The following MAST3 variants were observed in gnomAD, a reference collection of about 807,000 sequenced individuals.
MAST3 encodes the protein microtubule associated serine/threonine kinase 3, also known as microtubule-associated serine/threonine-protein kinase 3.
In MAST3, 43 loss-of-function variants were observed where a neutral mutation model predicts 127.0. The ratio of observed to expected loss-of-function variants is 0.34; its 90% CI spans 0.27 to 0.44. The LOEUF (loss-of-function observed/expected upper bound fraction) is 0.44, where lower values mean the gene tolerates loss of function less well. MAST3 is among the 20% of genes least tolerant of loss of function. The pLI is 1.00. For missense variants in MAST3, 1,390 were observed against 1,919.1 expected (o/e 0.72, Z 5.15); for synonymous variants, 785 against 809.2 (o/e 0.97, Z 0.51).
chr19:18,098,434 G>T (rs1441441375), intron 1 of MAST3, among the ~76,000 whole-genome samples: 1 of 152,112 alleles, frequency 6.6e-6, no homozygotes, highest in East Asian at 1.9e-4. Context: ...GTGTGACCTG[G>T]GGGGAGGGCA....
At chr19:18,119,706 C>T (rs1201290666) in intron 3 of MAST3, among the ~76,000 whole-genome samples, 1 of 152,212 alleles carries the variant, frequency 6.6e-6, no homozygotes, top group Non-Finnish European at 1.5e-5. Context: ...AGGTTTCATC[C>T]TTCAAGGTAG....
intron 11 of MAST3, among the ~76,000 whole-genome samples, chr19:18,127,498 A>G (rs1318135150): frequency 6.6e-6 from 1 of 152,096 alleles, no homozygotes; most frequent in Non-Finnish European, 1.5e-5. Context: ...AGCCTGGCCA[A>G]TGTGGTGAAA....
At chr19:18,100,288 G>A (rs544584527) in intron 1 of MAST3, among the ~76,000 whole-genome samples, 4 of 151,916 alleles carry the variant, frequency 2.6e-5, no homozygotes, top group Non-Finnish European at 4.4e-5. Context: ...ACCACGCCCG[G>A]CTAATTTTTG....
intron 15 of MAST3, 29 bp downstream of exon 15, chr19:18,132,076 C>T (rs758207292): frequency 1.2e-6 from 2 of 1,611,926 alleles, no homozygotes; most frequent in East Asian, 4.5e-5. Context: ...AGCGGGGCCT[C>T]GCGGAGGGCG....
Position 18,124,042 on chromosome 19 carries a change from A to G in MAST3, c.737A>G (p.Gln246Arg). The part of the protein sequence containing the change: ...ADGVLGFIHH[Q>R]IVELARDCLA... Reference sequence around the variant, plus strand: ...GGCGTCTTGGGCTTCATCCACCACCAGATCGTCGAGCTGGCCCGAGACTGC... The same window carrying G: ...GGCGTCTTGGGCTTCATCCACCACCGGATCGTCGAGCTGGCCCGAGACTGC... The change falls in exon 9 of 28, where the codon CAG becomes CGG. Residue 246 changes from glutamine to arginine, a missense_variant. Transcript: ENST00000687212. The G allele has an allele frequency of 6.2e-7, 1 of 1,605,960 alleles. No homozygotes were observed. Among genetic ancestry groups the G allele is most frequent in the Non-Finnish European group, 8.5e-7 (1 of 1,176,676 alleles).
At chr19:18,131,365 C>T (rs1241405581) in intron 14 of MAST3, among the ~76,000 whole-genome samples, 1 of 88,388 alleles carries the variant, frequency 1.1e-5, no homozygotes, top group African/African-American at 4.0e-5. Flanking sequence ...GGCAACAGAG[C>T]GGGCAACAGA....
Position 18,141,993 on chromosome 19 carries a change from C to A in MAST3, c.2317C>A (p.Arg773Ser). Residue 773 changes from arginine (R) to serine (S), a missense_variant, in exon 21 of 28, where the codon CGC becomes AGC. Transcript: ENST00000687212. ...GWERSEVDYG[R>S]RLSADIRLRS... is the part of the protein sequence containing the mutation. ...GGAGCGCAGCGAAGTGGACTATGGC[C>A]GCCGGCTGAGTGCTGACATCCGGTA... The A allele has an allele frequency of 5.3e-6, 8 of 1,510,976 alleles. No individual in the cohort carries two copies. The highest frequency in any genetic ancestry group is 7.1e-6 in the Non-Finnish European group (8 of 1,120,426). 93.6% of individuals were successfully genotyped at this position (1,510,976 alleles called of 1,614,324 possible). A position where few individuals can be genotyped will look rare whatever the true frequency, so the allele number is the denominator to read the frequency against.
intron 26 of MAST3, 121 bp from the exon 27 acceptor site, chr19:18,147,322 C>T (rs1025596942): frequency 3.0e-5 from 27 of 900,166 alleles, no homozygotes; most frequent in African/African-American, 6.7e-5. Context: ...AGGCTGGTCT[C>T]GAACTCCTGA....
intron 2 of MAST3, chr19:18,109,963 C>T: frequency 1.0e-6 from 1 of 985,366 alleles, no homozygotes; most frequent in South Asian, 4.7e-5. Context: ...ATCGCGCGGA[C>T]CGCGGAGCCA....
rs764771147 is a variant in MAST3, at chr19:18,134,930, C to T, written c.1818C>T (p.Cys606=). 14 of 1,613,748 alleles carry T rather than the reference C, an allele frequency of 8.7e-6. No homozygotes were observed. The highest frequency in any genetic ancestry group is 5.0e-5 in the Admixed American group (3 of 59,976). ...GVVLYEFLVG[C]VPFFGDTPEE... ...TCCTCTATGAGTTTCTGGTGGGCTG[C>T]GTGCCTTTCTTTGGAGATACCCCCG... The change falls in exon 17 of 28, where the codon TGC becomes TGT. Residue 606 remains cysteine (C), a synonymous_variant. Transcript: ENST00000687212.
chr19:18,138,997 T>G lies in MAST3; in HGVS notation c.2096-18T>G. 6.5e-7 allele frequency: 1 copy of G among 1,535,598 alleles called. No individual in the cohort carries two copies. The highest frequency in any genetic ancestry group is 8.9e-7 in the Non-Finnish European group (1 of 1,125,972). On this transcript the variant is annotated intron_variant, in intron 19 of 27. Transcript: ENST00000687212. ...CTCTGGGCATCAGGCGTGCTGCATG[T>G]GCCTCTCCCTCCCACAGCACGTTCG...
At chr19:18,133,716 G>C (rs2041587575) in intron 15 of MAST3, among the ~76,000 whole-genome samples, 1 of 152,040 alleles carries the variant, frequency 6.6e-6, no homozygotes, top group Non-Finnish European at 1.5e-5. Flanking sequence ...ACCACGCCCA[G>C]ATAATTTTTG....
chr19:18,113,536 C>G (rs1276349593), intron 3 of MAST3, among the ~76,000 whole-genome samples: 1 of 152,036 alleles, frequency 6.6e-6, no homozygotes, highest in Admixed American at 6.6e-5. Flanking sequence ...TCTTGGCTCA[C>G]TGCAACCTCC....
intron 15 of MAST3, among the ~76,000 whole-genome samples, chr19:18,132,525 T>C (rs547053716): frequency 1.3e-5 from 2 of 152,138 alleles, no homozygotes; most frequent in Non-Finnish European, 2.9e-5. Flanking sequence ...TGTATATTAG[T>C]GCAGGAAAGC....
At position 18,149,956 on chromosome 19, in the gene MAST3, C is replaced by A; in HGVS notation, c.*230C>A. The A allele has an allele frequency of 2.1e-6, 1 of 482,024 alleles. No homozygotes were observed. Among genetic ancestry groups the A allele is most frequent in the Non-Finnish European group, 3.6e-6 (1 of 277,700 alleles). 29.9% of individuals were successfully genotyped at this position (482,024 alleles called of 1,614,324 possible). A position where few individuals can be genotyped will look rare whatever the true frequency, so the allele number is the denominator to read the frequency against. ...GGTGGCTTTGTAAATAGCAGCAAATCCCTGCAACTAATTTATTACTTTTTT... is the reference window on the plus strand; with the variant it reads ...GGTGGCTTTGTAAATAGCAGCAAATACCTGCAACTAATTTATTACTTTTTT... On this transcript the variant is annotated 3_prime_UTR_variant, in exon 28 of 28. Coordinates refer to ENST00000687212, the MANE Select transcript of MAST3 (RefSeq NM_001393504.1). This position sits in a 1 kb window ranked among gnomAD's most constrained non-coding sequence, Gnocchi z 5.9.
Position 18,117,809 on chromosome 19 carries a change from C to G in MAST3, c.162-3876C>G, listed in dbSNP as rs71332122. 2.9e-3 allele frequency among the ~76,000 whole-genome samples: 445 copies of G among 151,844 alleles called. 3 individuals are homozygous for G. Among genetic ancestry groups the G allele is most frequent in the African/African-American group, 0.01 (433 of 41,434 alleles). ...GCCAACGCCCCGCCCCCGCCGCCCG[C>G]GGTCGTAGCAACGCCCGGCCTCAGC... On this transcript the variant is annotated intron_variant, in intron 3 of 27. Transcript: ENST00000687212.
rs2043389291 is a variant in MAST3, at chr19:18,149,679, G to A, written c.3997G>A (p.Gly1333Ser). 1 of 1,612,914 alleles carries A rather than the reference G, an allele frequency of 6.2e-7. No individual in the cohort carries two copies. The highest frequency in any genetic ancestry group is 1.3e-5 in the African/African-American group (1 of 74,936). ...PTSVPQIAVE[G>S]EEAVPVALGP... ...CTCAGTGCCACAGATCGCCGTGGAG[G>A]GCGAGGAAGCCGTGCCAGTAGCTCT... is the stretch of plus-strand genomic sequence containing the variant. The change falls in exon 28 of 28, where the codon GGC becomes AGC. Residue 1333 changes from glycine (G) to serine (S), a missense_variant. Physicochemically the swap from Gly to Ser is moderately conservative, Grantham distance 56. Coordinates refer to ENST00000687212, the MANE Select transcript of MAST3 (RefSeq NM_001393504.1). The surrounding 1 kb of genome is among the most constrained non-coding windows in gnomAD (Gnocchi z 5.9).
chr19:18,097,911 G>T, intron 1 of MAST3, 80 bp downstream of exon 1: 1 of 1,093,010 alleles, frequency 9.1e-7, no homozygotes, highest in Admixed American at 4.3e-5. Flanking sequence ...GGAGGGGCGG[G>T]GCCTTCACGG....
At chr19:18,141,786 G>C in intron 20 of MAST3, 96 bp from the exon 21 acceptor site, 1 of 1,053,360 alleles carries the variant, frequency 9.5e-7, no homozygotes. Context: ...AAACTCCTGG[G>C]CTCAAGTGAT....
Sources: gnomAD v4.1 joint callset for allele counts (sites outside exome capture counted in the v4.1 genomes callset) on GRCh38, gnomAD v4.1.1 for gene constraint, Gnocchi (gnomAD v3.1) non-coding constraint, MANE v1.5 for transcripts, NCBI Gene and HGNC (gene_info 2026-07-23, HGNC 2026-07-21) for gene names.